The following ASCC3 variants were observed in gnomAD, a reference collection of about 807,000 sequenced individuals.
ASCC3 encodes activating signal cointegrator 1 complex subunit 3.
ASCC3 carries 158 observed loss-of-function variants against 256.3 expected under a neutral mutation model. The ratio of observed to expected loss-of-function variants is 0.62; its 90% CI spans 0.54 to 0.70. The LOEUF (loss-of-function observed/expected upper bound fraction) is 0.70, where lower values mean the gene tolerates loss of function less well. Ranked by LOEUF, ASCC3 falls within the 30% of genes least tolerant of loss-of-function variation. The probability of loss-of-function intolerance (pLI) is 0.00; values close to 1 mark genes in which losing one functional copy is unlikely to be tolerated. For synonymous variants in ASCC3, 948 were observed against 883.4 expected (o/e 1.07, Z -1.30); for missense variants, 2,259 against 2,626.0 (o/e 0.86, Z 3.05).
chr6:100,835,818 C>G (rs1466362365), intron 4 of ASCC3, among the ~76,000 whole-genome samples: 1 of 152,072 alleles, frequency 6.6e-6, no homozygotes, highest in African/African-American at 2.4e-5. Context: ...AGGGATTGAA[C>G]TGCCTATAGA....
At chr6:100,597,038 T>C (rs936051135) in intron 34 of ASCC3, among the ~76,000 whole-genome samples, 2 of 152,200 alleles carry the variant, frequency 1.3e-5, no homozygotes, top group Admixed American at 1.3e-4. Context: ...TGGCCTGAAA[T>C]GCTGTTTTCT....
At chr6:100,799,673 C>T in intron 6 of ASCC3, 101 bp from the exon 7 acceptor site, 1 of 1,256,772 alleles carries the variant, frequency 8.0e-7, no homozygotes, top group African/African-American at 1.5e-5. Flanking sequence ...GCTAGCCTTC[C>T]ACCATAAAAA....
chr6:100,817,364 C>G (rs1436579822), intron 4 of ASCC3, among the ~76,000 whole-genome samples: 1 of 150,920 alleles, frequency 6.6e-6, no homozygotes, highest in African/African-American at 2.4e-5. Flanking sequence ...AACCTTAAGA[C>G]ACTGGAAAAG....
At chr6:100,778,599 T>C (rs1032205426) in intron 8 of ASCC3, among the ~76,000 whole-genome samples, 30 of 152,132 alleles carry the variant, frequency 2.0e-4, no homozygotes, top group African/African-American at 6.3e-4. Context: ...TAGATAAGCA[T>C]TGTTATAAGT....
chr6:100,617,647 GA>G (rs1773738230), intron 30 of ASCC3, among the ~76,000 whole-genome samples: 1 of 152,094 alleles, frequency 6.6e-6, no homozygotes, highest in East Asian at 1.9e-4. Flanking sequence ...ACCTTCAAAT[GA>G]TAAACCCCAT....
chr6:100,533,573 C>G (rs1047769377), intron 37 of ASCC3, among the ~76,000 whole-genome samples: 2 of 152,160 alleles, frequency 1.3e-5, no homozygotes, highest in African/African-American at 4.8e-5. Context: ...CCCAAACTAA[C>G]TCAGTCAATT....
At position 100,622,232 on chromosome 6, in the gene ASCC3, C is replaced by T. The variant is rs191426537; in HGVS notation, c.4785+2960G>A. ...TTTGTGACCCTAACCCAAATCTCATCGTTAACTGTAATCCCCATAATCCCC... is the reference window on the plus strand; with the variant it reads ...TTTGTGACCCTAACCCAAATCTCATTGTTAACTGTAATCCCCATAATCCCC... On this transcript the variant is annotated intron_variant, in intron 30 of 41. Transcript: ENST00000369162. Among the ~76,000 whole-genome samples the T allele has an allele frequency of 2.4e-3, 363 of 152,128 alleles. 4 individuals carry two copies. The highest frequency in any genetic ancestry group is 7.8e-3 in the African/African-American group (325 of 41,496).
chr6:100,623,238 A>T (rs1244298572), intron 30 of ASCC3, among the ~76,000 whole-genome samples: 3 of 152,144 alleles, frequency 2.0e-5, no homozygotes, highest in Non-Finnish European at 4.4e-5. Context: ...TTTGAACATA[A>T]ATTATTTTCT....
chr6:100,618,559 T>A (rs1407704189), intron 30 of ASCC3, among the ~76,000 whole-genome samples: 7 of 152,304 alleles, frequency 4.6e-5, no homozygotes, highest in Admixed American at 3.3e-4. Flanking sequence ...GTGGCCAAAG[T>A]AAAAGAGATG....
At chr6:100,570,735 A>G (rs1362614719) in intron 36 of ASCC3, among the ~76,000 whole-genome samples, 1 of 152,096 alleles carries the variant, frequency 6.6e-6, no homozygotes, top group Non-Finnish European at 1.5e-5. Context: ...CCCATTCCCC[A>G]AGACAAACAT....
At chr6:100,753,328 T>C (rs1264712863) in intron 10 of ASCC3, among the ~76,000 whole-genome samples, 1 of 151,834 alleles carries the variant, frequency 6.6e-6, no homozygotes, top group Non-Finnish European at 1.5e-5. Flanking sequence ...AACATTTATT[T>C]TTGACAATAG....
intron 4 of ASCC3, among the ~76,000 whole-genome samples, chr6:100,838,916 G>A (rs933097472): frequency 1.4e-4 from 21 of 151,936 alleles, no homozygotes; most frequent in African/African-American, 4.6e-4. Context: ...TTAAATATTT[G>A]AGTGAATGCT....
chr6:100,725,474 C>G, intron 11 of ASCC3, 65 bp downstream of exon 11: 3 of 1,527,174 alleles, frequency 2.0e-6, no homozygotes, highest in Non-Finnish European at 2.7e-6. Flanking sequence ...AGTGAAAATG[C>G]TACATTTTAA....
intron 10 of ASCC3, among the ~76,000 whole-genome samples, chr6:100,742,972 T>C (rs1562265417): frequency 6.6e-6 from 1 of 152,172 alleles, no homozygotes; most frequent in Non-Finnish European, 1.5e-5. Flanking sequence ...TTGCCAGGGA[T>C]CTCGAGGCCA....
chr6:100,807,506 CATG>C (rs1770249962), intron 4 of ASCC3, among the ~76,000 whole-genome samples: 1 of 151,890 alleles, frequency 6.6e-6, no homozygotes, highest in African/African-American at 2.4e-5. Flanking sequence ...AAATTATTTT[CATG>C]ATAATACTTA....
chr6:100,601,821 G>A lies in ASCC3; in HGVS notation c.5292C>T (p.Ile1764=), dbSNP rs1772631573. The A allele has an allele frequency of 6.2e-7, 1 of 1,612,286 alleles. No homozygotes were observed. The highest frequency in any genetic ancestry group is 2.2e-5 in the East Asian group (1 of 44,758). Residue 1764 remains isoleucine, a synonymous_variant, in exon 34 of 42, where the codon ATC becomes ATT. Transcript: ENST00000369162. ...GCCCTTGCACTTACCTGGGATTCAT[G>A]ATAAGACGTCGGAAAAAGTAAGTCC... The part of the protein sequence containing the change: ...ITWTYFFRRL[I]MNPSYYNLGD...
intron 13 of ASCC3, among the ~76,000 whole-genome samples, chr6:100,691,452 TTTTC>T (rs1777845866): frequency 6.6e-6 from 1 of 151,996 alleles, no homozygotes; most frequent in Admixed American, 6.6e-5. Flanking sequence ...CTTGAATAAA[TTTTC>T]TATACATTCT....
intron 3 of ASCC3, among the ~76,000 whole-genome samples, chr6:100,863,203 G>A (rs190804388): frequency 6.6e-6 from 1 of 152,082 alleles, no homozygotes; most frequent in Non-Finnish European, 1.5e-5. Flanking sequence ...CAAACACAGG[G>A]GTTTTACCAG....
At chr6:100,708,156 G>T (rs1010366992) in intron 13 of ASCC3, among the ~76,000 whole-genome samples, 3 of 151,946 alleles carry the variant, frequency 2.0e-5, no homozygotes, top group Non-Finnish European at 4.4e-5. Flanking sequence ...TCCTTGATTT[G>T]AACTTTTTTC....
Sources: allele counts gnomAD v4.1 joint callset (sites outside exome capture counted in the v4.1 genomes callset), GRCh38; gene constraint gnomAD v4.1.1; transcripts MANE v1.5; gene names NCBI Gene and HGNC (gene_info 2026-07-23, HGNC 2026-07-21).